The following TBC1D28 variants were observed in gnomAD, a reference collection of about 807,000 sequenced individuals.
TBC1D28 encodes TBC1 domain family member 28, also known as TBC1 domain family, member 28.
A neutral mutation model predicts 29.2 loss-of-function variants in TBC1D28; 20 were observed. The ratio of observed to expected loss-of-function variants is 0.68; its 90% CI spans 0.48 to 0.99. TBC1D28 has a LOEUF of 0.99. Among genes scored for constraint, TBC1D28 ranks in the 50% least tolerant of loss-of-function variants. The probability of loss-of-function intolerance (pLI) is 0.00; values close to 1 mark genes in which losing one functional copy is unlikely to be tolerated. For synonymous variants in TBC1D28, 65 were observed against 90.9 expected, an observed-to-expected ratio of 0.71 and a Z score of 1.62; for missense variants, 205 against 243.7, an observed-to-expected ratio of 0.84 and a Z score of 1.06.
chr17:18,642,340 CA>C (rs1055447771), exon 1 of TBC1D28: 4 of 152,202 alleles, frequency 2.6e-5, no homozygotes, highest in African/African-American at 9.6e-5. Flanking sequence ...AAGCTTAGGG[CA>C]CAGACTTGGA....
chr17:18,641,492 G>T, intron 2 of TBC1D28, 139 bp from the exon 4 acceptor site: 1 of 948,792 alleles, frequency 1.1e-6, no homozygotes, highest in African/African-American at 1.6e-5. Context: ...CAAGGGGCCA[G>T]ACTCAGTGGC....
intron 4 of TBC1D28, among the ~76,000 whole-genome samples, chr17:18,639,841 C>G (rs1289933884): frequency 1.0e-5 from 1 of 96,702 alleles, no homozygotes; most frequent in Non-Finnish European, 2.0e-5. Context: ...CTTCTGTGAC[C>G]CTTGTCCTTT....
chr17:18,635,382 G>A, exon 9 of TBC1D28: 1 of 282,358 alleles, frequency 3.5e-6, no homozygotes, highest in Non-Finnish European at 5.3e-6. Context: ...GGCCCAGGAA[G>A]CGCCCGCGCT....
intron 7 of TBC1D28, 45 bp downstream of exon 8, chr17:18,638,268 T>A: frequency 6.2e-7 from 1 of 1,603,840 alleles, no homozygotes; most frequent in East Asian, 2.2e-5. Flanking sequence ...CCTGATACAG[T>A]CTAGCTTGTT....
upstream of TBC1D28, among the ~76,000 whole-genome samples, chr17:18,643,387 C>A (rs1038406870): frequency 6.6e-6 from 1 of 150,410 alleles, no homozygotes; most frequent in Non-Finnish European, 1.5e-5. Flanking sequence ...TAAGGACAAA[C>A]CCCGTGCCTG....
upstream of TBC1D28, chr17:18,642,516 T>G (rs1018190493): frequency 5.9e-5 from 9 of 152,192 alleles, no homozygotes; most frequent in African/African-American, 2.2e-4. Flanking sequence ...AGGGTAGGGC[T>G]GAGTGCACGG....
chr17:18,641,740 G>A lies in TBC1D28; in HGVS notation c.-103-7C>T, dbSNP rs2031777457. The stretch of plus-strand genomic sequence containing the variant: ...AGTCAGGGACTGGATGTCTCTATAG[G>A]ATGGTTCAGGGACCAGGAAGATAAT... On this transcript the variant is annotated splice_region_variant and splice_polypyrimidine_tract_variant and intron_variant, in intron 1 of 8. Transcript: ENST00000345096. The A allele has an allele frequency of 1.1e-5, 3 of 277,688 alleles. No individual in the cohort carries two copies. Among genetic ancestry groups the A allele is most frequent in the Admixed American group, 9.6e-5 (2 of 20,754 alleles). The allele number at this position is 277,688 out of a possible 1,614,324, so 17.2% of individuals were successfully genotyped here.
At chr17:18,643,806 G>A (rs548772458), upstream of TBC1D28, among the ~76,000 whole-genome samples, 4 of 152,298 alleles carry the variant, frequency 2.6e-5, no homozygotes, top group Admixed American at 6.5e-5. Context: ...TGGGTCCCAC[G>A]GAGACCCTCA....
At chr17:18,634,738 C>T (rs1434590800), downstream of TBC1D28, among the ~76,000 whole-genome samples, 1 of 152,380 alleles carries the variant, frequency 6.6e-6, no homozygotes, top group East Asian at 1.9e-4. Context: ...CCGAGGGATT[C>T]GGCCACGTGA....
chr17:18,640,098 C>T (rs1237794248), intron 4 of TBC1D28, among the ~76,000 whole-genome samples: 1 of 151,104 alleles, frequency 6.6e-6, no homozygotes, highest in Non-Finnish European at 1.5e-5. Context: ...TGGCTGTCCT[C>T]CCCTACTGTC....
At chr17:18,637,394 G>A (rs62072827) in intron 8 of TBC1D28, among the ~76,000 whole-genome samples, 3 of 129,326 alleles carry the variant, frequency 2.3e-5, no homozygotes, top group Non-Finnish European at 4.8e-5. Context: ...AGGCCACTGA[G>A]CTTTGTGAGC....
rs78445067 is a variant in TBC1D28 at position 18,640,025 on chromosome 17, G to C, written c.159-811C>G. ...TGCTCCAGCCTCAGCTGGCTCTCAGGGTCATTGGCCTTCAGCCCTCAGCCT... is the reference window on the plus strand; with the variant it reads ...TGCTCCAGCCTCAGCTGGCTCTCAGCGTCATTGGCCTTCAGCCCTCAGCCT... On this transcript the variant is annotated intron_variant, in intron 4 of 8. Coordinates refer to ENST00000345096, the Ensembl canonical transcript of TBC1D28. Among the ~76,000 whole-genome samples, 25 of 132,348 alleles carry C rather than the reference G, an allele frequency of 1.9e-4. 1 individual carries two copies. The South Asian group carries it at 4.1e-3, about 22-fold the overall frequency. The allele number at this position is 132,348 out of a possible 152,430, so 86.8% of individuals were successfully genotyped here. A position where few individuals can be genotyped will look rare whatever the true frequency, so the allele number is the denominator to read the frequency against.
chr17:18,636,451 A>G, exon 9 of TBC1D28: 5 of 1,612,086 alleles, frequency 3.1e-6, no homozygotes, highest in Non-Finnish European at 4.2e-6. Flanking sequence ...TGGTGGACAA[A>G]CGCTGAATTT....
At position 18,638,668 on chromosome 17, in the gene TBC1D28, A is replaced by G. The variant is rs764333481; in HGVS notation, c.232T>C (p.Trp78Arg). ...GTCCAGTCTGCAAGCATCTTTTGCC[A>G]CTTGTTGGTACGTTTACTTTCCTTG... Residue 78 changes from tryptophan to arginine, a missense_variant, in exon 6 of 9, where the codon TGG becomes CGG. Coordinates refer to ENST00000345096, the Ensembl canonical transcript of TBC1D28. 4 of 1,614,100 alleles carry G rather than the reference A, an allele frequency of 2.5e-6. No individual in the cohort carries two copies. In the East Asian group the frequency reaches 8.9e-5, roughly 36 times the overall value.
chr17:18,643,391 G>A (rs372498363), upstream of TBC1D28, among the ~76,000 whole-genome samples: 371 of 149,552 alleles, frequency 2.5e-3, no homozygotes, highest in African/African-American at 8.4e-3. Context: ...GACAAACCCC[G>A]TGCCTGAGGT....
chr17:18,635,298 GT>G, exon 9 of TBC1D28: 1 of 153,924 alleles, frequency 6.5e-6, no homozygotes, highest in Admixed American at 6.5e-5. Flanking sequence ...GTGCCCGAGA[GT>G]GGGGGAAATG....
exon 9 of TBC1D28, chr17:18,636,407 C>T (rs2031496449): frequency 6.3e-7 from 1 of 1,595,630 alleles, no homozygotes. Flanking sequence ...CCCTTTTCTG[C>T]CAGCAGCGAG....
chr17:18,638,198 T>C, intron 7 of TBC1D28, 115 bp downstream of exon 8: 1 of 1,360,788 alleles, frequency 7.3e-7, no homozygotes, highest in Non-Finnish European at 1.0e-6. Flanking sequence ...GATGTGCATC[T>C]GACCACAGCC....
chr17:18,639,206 T>A (rs3852810), exon 5 of TBC1D28: 5 of 1,569,028 alleles, frequency 3.2e-6, no homozygotes, highest in African/African-American at 3.0e-5. Flanking sequence ...GCGGGGCAGC[T>A]CCATCTCACT....
Sources: gnomAD v4.1 joint callset for allele counts (sites outside exome capture counted in the v4.1 genomes callset) on GRCh38, gnomAD v4.1.1 for gene constraint, MANE v1.5 for transcripts, NCBI Gene and HGNC (gene_info 2026-07-23, HGNC 2026-07-21) for gene names.